The following GMDS variants were observed in gnomAD, a reference collection of about 807,000 sequenced individuals.
GMDS encodes the protein GDP-mannose 4,6-dehydratase.
GMDS carries 20 observed loss-of-function variants against 49.9 expected under a neutral mutation model. The observed-to-expected ratio is 0.40, with a 90% CI of 0.28 to 0.58. The LOEUF (loss-of-function observed/expected upper bound fraction) is 0.58, where lower values mean the gene tolerates loss of function less well. Among genes scored for constraint, GMDS ranks in the 20% least tolerant of loss-of-function variants. The pLI is 0.42. For missense variants in GMDS, 362 were observed against 481.4 expected (o/e 0.75, Z 2.32); for synonymous variants, 177 against 178.6 (o/e 0.99, Z 0.07).
chr6:1,751,407 T>A (rs983929983), intron 7 of GMDS, among the ~76,000 whole-genome samples: 4 of 152,240 alleles, frequency 2.6e-5, no homozygotes, highest in Non-Finnish European at 5.9e-5. Context: ...TTCTGCAGCC[T>A]CTGCTGGTGA....
intron 7 of GMDS, among the ~76,000 whole-genome samples, chr6:1,864,665 G>C (rs1758355484): frequency 6.6e-6 from 1 of 152,128 alleles, no homozygotes; most frequent in Non-Finnish European, 1.5e-5. Flanking sequence ...TGTGAACCTT[G>C]ACCTTTTTAA....
chr6:1,963,757 G>C (rs1318263999), intron 4 of GMDS, among the ~76,000 whole-genome samples: 1 of 152,252 alleles, frequency 6.6e-6, no homozygotes, highest in South Asian at 2.1e-4. Flanking sequence ...TCAGGGCTCT[G>C]GGACCACTGG....
chr6:1,995,458 G>C (rs1031296697), intron 4 of GMDS, among the ~76,000 whole-genome samples: 1 of 152,174 alleles, frequency 6.6e-6, no homozygotes, highest in African/African-American at 2.4e-5. Flanking sequence ...CTCCAATAGA[G>C]AGTGGCTGTC....
At chr6:1,720,469 A>C (rs1226076550) in intron 9 of GMDS, among the ~76,000 whole-genome samples, 2 of 152,238 alleles carry the variant, frequency 1.3e-5, no homozygotes, top group Non-Finnish European at 2.9e-5. Context: ...GGGAGGCTTA[A>C]AATATATAAA....
chr6:1,922,865 C>A (rs78567334), intron 7 of GMDS, among the ~76,000 whole-genome samples: 1 of 152,166 alleles, frequency 6.6e-6, no homozygotes, highest in Non-Finnish European at 1.5e-5. Flanking sequence ...AGTTCAGCTG[C>A]GTCCCCTTTC....
chr6:2,239,579 C>G lies in GMDS; in HGVS notation c.102+5742G>C, dbSNP rs527283908. ...GCTATACAATTAATTGGTATCAAAA[C>G]CCAACCTCTGATTCCCAGTCCAGAG... On this transcript the variant is annotated intron_variant, in intron 1 of 10. Transcript: ENST00000380815. 3.3e-5 allele frequency among the ~76,000 whole-genome samples: 5 copies of G among 152,304 alleles called. No individual in the cohort carries two copies. In the South Asian group the frequency reaches 1.0e-3, roughly 32 times the overall value.
At chr6:1,914,131 GTTTTTTTTTTTTTT>G (rs563808537) in intron 7 of GMDS, among the ~76,000 whole-genome samples, 1 of 77,858 alleles carries the variant, frequency 1.3e-5, no homozygotes, top group Non-Finnish European at 2.6e-5. Flanking sequence ...TTTTTTGTTT[GTTTTTTTTTTTTTT>G]TTTTTTTTTT....
intron 9 of GMDS, among the ~76,000 whole-genome samples, chr6:1,683,347 T>C (rs1021411625): frequency 3.3e-5 from 5 of 152,170 alleles, no homozygotes; most frequent in Admixed American, 6.5e-5. Flanking sequence ...ATGGTCTCCA[T>C]CTCCTGACCT....
chr6:1,757,258 C>G (rs1274269215), intron 7 of GMDS, among the ~76,000 whole-genome samples: 1 of 151,788 alleles, frequency 6.6e-6, no homozygotes, highest in Non-Finnish European at 1.5e-5. Context: ...TCAGGTCACT[C>G]TAATCTAACG....
intron 9 of GMDS, among the ~76,000 whole-genome samples, chr6:1,703,586 A>G (rs913104068): frequency 3.3e-5 from 5 of 152,252 alleles, no homozygotes; most frequent in African/African-American, 9.6e-5. Context: ...CTACTCCCCA[A>G]TAAAGCTGTG....
chr6:1,805,575 A>G (rs982075694), intron 7 of GMDS, among the ~76,000 whole-genome samples: 6 of 152,192 alleles, frequency 3.9e-5, no homozygotes, highest in Admixed American at 3.3e-4. Flanking sequence ...TCTTTCACCG[A>G]TATACAGGAG....
intron 1 of GMDS, among the ~76,000 whole-genome samples, chr6:2,141,695 C>CA (rs1021822611): frequency 2.0e-5 from 3 of 152,152 alleles, no homozygotes; most frequent in African/African-American, 7.2e-5. Flanking sequence ...CACAGGATGT[C>CA]AAGGAAAGGT....
At chr6:1,668,458 C>T (rs2113271930) in intron 9 of GMDS, among the ~76,000 whole-genome samples, 1 of 152,228 alleles carries the variant, frequency 6.6e-6, no homozygotes, top group East Asian at 1.9e-4. Flanking sequence ...GCCTGTAATC[C>T]CAGCACTTCA....
intron 7 of GMDS, among the ~76,000 whole-genome samples, chr6:1,885,690 A>G (rs562841685): frequency 1.3e-5 from 2 of 152,304 alleles, no homozygotes; most frequent in East Asian, 3.9e-4. Context: ...TCCCACGTTT[A>G]AGTGTCTGAT....
intron 7 of GMDS, among the ~76,000 whole-genome samples, chr6:1,929,012 T>G (rs1157309091): frequency 6.7e-6 from 1 of 149,048 alleles, no homozygotes; most frequent in Non-Finnish European, 1.5e-5. Context: ...TAGATCTAAA[T>G]GTTGCACTAT....
At chr6:2,166,407 T>C (rs1777673039) in intron 1 of GMDS, among the ~76,000 whole-genome samples, 1 of 152,220 alleles carries the variant, frequency 6.6e-6, no homozygotes, top group Non-Finnish European at 1.5e-5. Context: ...TAAGAAAATA[T>C]TACAATTATC....
chr6:2,219,003 G>C (rs868650805), intron 1 of GMDS, among the ~76,000 whole-genome samples: 17 of 152,238 alleles, frequency 1.1e-4, no homozygotes, highest in African/African-American at 4.1e-4. Context: ...AGGTTGAGGA[G>C]GGAGGACCGC....
chr6:2,223,681 G>A (rs1780697168), intron 1 of GMDS, among the ~76,000 whole-genome samples: 1 of 152,138 alleles, frequency 6.6e-6, no homozygotes, highest in African/African-American at 2.4e-5. Flanking sequence ...TTCTGACTTT[G>A]GCTCCCAAAT....
At chr6:1,913,566 T>C (rs1181555953) in intron 7 of GMDS, among the ~76,000 whole-genome samples, 2 of 152,192 alleles carry the variant, frequency 1.3e-5, no homozygotes, top group African/African-American at 2.4e-5. Flanking sequence ...AAAGACCATA[T>C]TCCAGTCACA....
Sources: allele counts gnomAD v4.1 joint callset (sites outside exome capture counted in the v4.1 genomes callset), GRCh38; gene constraint gnomAD v4.1.1; transcripts MANE v1.5; gene names NCBI Gene and HGNC (gene_info 2026-07-23, HGNC 2026-07-21).